Variants in APBB2 observed in about 807,000 individuals in gnomAD.
The protein encoded by APBB2 is amyloid beta precursor protein binding family B member 2.
A neutral mutation model predicts 82.5 loss-of-function variants in APBB2; 38 were observed. The ratio of observed to expected loss-of-function variants is 0.46; its 90% confidence interval spans 0.36 to 0.60. APBB2 has a LOEUF of 0.60. Ranked by LOEUF, APBB2 falls within the 20% of genes least tolerant of loss-of-function variation. APBB2 has a pLI of 0.00. For synonymous variants in APBB2, 341 were observed against 368.2 expected, an observed-to-expected ratio of 0.93 and a Z score of 0.85; for missense variants, 772 against 972.3, an observed-to-expected ratio of 0.79 and a Z score of 2.74.
chr4:40,864,003 A>G (rs1411451585), intron 12 of APBB2, among the ~76,000 whole-genome samples: 2 of 151,736 alleles, frequency 1.3e-5, no homozygotes, highest in Admixed American at 6.6e-5. Flanking sequence ...TCACGCCTGT[A>G]ATCCCAGCAC....
At chr4:41,212,514 G>C (rs1186213105) in intron 1 of APBB2, among the ~76,000 whole-genome samples, 1 of 152,062 alleles carries the variant, frequency 6.6e-6, no homozygotes, top group Non-Finnish European at 1.5e-5. Flanking sequence ...GTTCACATTG[G>C]CTCCTTGAAG....
At position 40,810,883 on chromosome 4, in the gene APBB2, A is replaced by C. The variant is rs1744270475; in HGVS notation, c.*5209T>G. On this transcript the variant is annotated 3_prime_UTR_variant, in exon 18 of 18. Transcript: ENST00000508593. The stretch of plus-strand genomic sequence containing the variant: ...TAATTTAACATATTGTTCAGTAAAG[A>C]ATCCCATTGTGTATCATAAGAATCC... 6.6e-6 allele frequency: 1 copy of C among 152,204 alleles called. No individual in the cohort carries two copies. The highest frequency in any genetic ancestry group is 2.4e-5 in the African/African-American group (1 of 41,450). 9.4% of individuals were successfully genotyped at this position (152,204 alleles called of 1,614,324 possible).
At chr4:40,966,587 G>A (rs987077393) in intron 6 of APBB2, among the ~76,000 whole-genome samples, 1 of 152,234 alleles carries the variant, frequency 6.6e-6, no homozygotes, top group Non-Finnish European at 1.5e-5. Context: ...TGTTCCTGCT[G>A]CCTGGCCTCT....
intron 2 of APBB2, among the ~76,000 whole-genome samples, chr4:41,124,700 A>G (rs891522589): frequency 6.6e-6 from 1 of 152,208 alleles, no homozygotes; most frequent in Non-Finnish European, 1.5e-5. Context: ...TCTACAACTG[A>G]TTAAACATGG....
intron 12 of APBB2, among the ~76,000 whole-genome samples, chr4:40,860,127 G>A (rs1384974519): frequency 6.6e-6 from 1 of 152,162 alleles, no homozygotes; most frequent in African/African-American, 2.4e-5. Context: ...TTTTGTTTCT[G>A]TACAGTGAAG....
rs1057231945 is a variant in APBB2 at position 41,066,516 on chromosome 4, A to G, written c.-148-843T>C. 2.6e-5 allele frequency among the ~76,000 whole-genome samples: 4 copies of G among 152,208 alleles called. No homozygotes were observed. In the East Asian group the frequency reaches 7.7e-4, roughly 29 times the overall value. Reference sequence around the variant, plus strand: ...CACACAAACTGGCCACCCTAGGGCCATGGGATGAGCATAATCATTGAGATT... The same window carrying G: ...CACACAAACTGGCCACCCTAGGGCCGTGGGATGAGCATAATCATTGAGATT... On this transcript the variant is annotated intron_variant, in intron 3 of 17. Transcript: ENST00000508593.
At chr4:41,022,159 G>A (rs553315167) in intron 5 of APBB2, among the ~76,000 whole-genome samples, 18 of 152,312 alleles carry the variant, frequency 1.2e-4, no homozygotes, top group African/African-American at 4.1e-4. Flanking sequence ...AAGGGAATGA[G>A]GAACTGTTCT....
chr4:40,950,963 T>C (rs544849848), intron 6 of APBB2, among the ~76,000 whole-genome samples: 15 of 151,962 alleles, frequency 9.9e-5, no homozygotes, highest in South Asian at 2.1e-4. Context: ...TACAAACATA[T>C]CATTGATCAA....
At chr4:40,842,187 T>A (rs1205404389) in intron 12 of APBB2, among the ~76,000 whole-genome samples, 1 of 152,184 alleles carries the variant, frequency 6.6e-6, no homozygotes, top group Non-Finnish European at 1.5e-5. Flanking sequence ...GCAGATGCAA[T>A]TCCAGACTCT....
intron 5 of APBB2, among the ~76,000 whole-genome samples, chr4:41,023,243 TG>T (rs1393126274): frequency 1.3e-5 from 2 of 152,162 alleles, no homozygotes; most frequent in Non-Finnish European, 2.9e-5. Context: ...TTGTTAAATA[TG>T]GGGGGCATGA....
chr4:41,013,463 A>G, intron 6 of APBB2, 120 bp downstream of exon 6: 1 of 941,534 alleles, frequency 1.1e-6, no homozygotes. Context: ...TTTTACCGCA[A>G]GAGGCTCACG....
chr4:41,000,465 C>T (rs1330725652), intron 6 of APBB2, among the ~76,000 whole-genome samples: 1 of 152,020 alleles, frequency 6.6e-6, no homozygotes, highest in African/African-American at 2.4e-5. Context: ...TATTACTATT[C>T]TCATTTTAGA....
chr4:41,027,622 T>C (rs1380564918), intron 5 of APBB2, among the ~76,000 whole-genome samples: 3 of 152,132 alleles, frequency 2.0e-5, no homozygotes, highest in Admixed American at 1.3e-4. Context: ...CCTTTTATTA[T>C]AAAGTCTAGC....
At chr4:41,139,907 T>C (rs1758618694) in intron 2 of APBB2, among the ~76,000 whole-genome samples, 1 of 152,188 alleles carries the variant, frequency 6.6e-6, no homozygotes. Context: ...CTATAGATTT[T>C]AGTAATGATA....
chr4:41,034,985 T>C (rs1269809833), intron 4 of APBB2, among the ~76,000 whole-genome samples: 3 of 152,114 alleles, frequency 2.0e-5, no homozygotes, highest in Non-Finnish European at 2.9e-5. Flanking sequence ...GAAAAACAGA[T>C]TGATATCAGG....
At chr4:40,975,787 C>CACA (rs1553889989) in intron 6 of APBB2, among the ~76,000 whole-genome samples, 13 of 150,440 alleles carry the variant, frequency 8.6e-5, no homozygotes, top group Non-Finnish European at 1.6e-4. Context: ...CACACACACA[C>CACA]ACAACAACCA....
At chr4:41,120,699 A>G (rs1419432358) in intron 2 of APBB2, among the ~76,000 whole-genome samples, 1 of 152,166 alleles carries the variant, frequency 6.6e-6, no homozygotes, top group Non-Finnish European at 1.5e-5. Flanking sequence ...GAGAAAAATG[A>G]GTTTCACCAT....
Position 40,883,460 on chromosome 4 carries a change from G to A in APBB2, c.1529+6904C>T, listed in dbSNP as rs1769277385. Among the ~76,000 whole-genome samples the A allele has an allele frequency of 1.3e-5, 2 of 152,150 alleles. 1 individual carries two copies. The highest frequency in any genetic ancestry group is 4.1e-4 in the South Asian group (2 of 4,828). On this transcript the variant is annotated intron_variant, in intron 12 of 17. Coordinates refer to ENST00000508593, the MANE Select transcript of APBB2 (RefSeq NM_004307.2). ...AAATTAGCTGGGCATGGTGGCGCAT[G>A]CCTGTAATCCCAGCTACTTGGGAGG... is the stretch of plus-strand genomic sequence containing the variant.
rs1027334156 is a variant in APBB2 at position 40,832,288 on chromosome 4, C to T, written c.1530-1711G>A. ...GCAGGCAACTGGCCATCGTGAAGGT[C>T]TGGCCGGAAAACCCTGCCTCGCAAC... On this transcript the variant is annotated intron_variant, in intron 12 of 17. Coordinates refer to ENST00000508593, the MANE Select transcript of APBB2 (RefSeq NM_004307.2). The surrounding 1 kb of genome is among the most constrained non-coding windows in gnomAD (Gnocchi z 4.8). Among the ~76,000 whole-genome samples the T allele has an allele frequency of 6.6e-6, 1 of 152,194 alleles. No homozygotes were observed. Among genetic ancestry groups the T allele is most frequent in the Non-Finnish European group, 1.5e-5 (1 of 68,030 alleles).
Sources: gnomAD v4.1 joint callset for allele counts (sites outside exome capture counted in the v4.1 genomes callset) on GRCh38, gnomAD v4.1.1 for gene constraint, Gnocchi (gnomAD v3.1) non-coding constraint, MANE v1.5 for transcripts, NCBI Gene and HGNC (gene_info 2026-07-23, HGNC 2026-07-21) for gene names.